Variants in USO1 observed in about 807,000 individuals in gnomAD.
USO1 encodes the protein USO1 vesicle transport factor, also known as general vesicular transport factor p115.
USO1 carries 57 observed loss-of-function variants against 124.5 expected under a neutral mutation model. The ratio of observed to expected loss-of-function variants is 0.46; its 90% CI spans 0.37 to 0.57. USO1 has a LOEUF of 0.57. Among genes scored for constraint, USO1 ranks in the 20% least tolerant of loss-of-function variants. The pLI is 0.00. For missense variants in USO1, 900 were observed against 1,040.6 expected (o/e 0.86, Z 1.86); for synonymous variants, 369 against 362.8 (o/e 1.02, Z -0.19).
chr4:75,800,978 T>C, intron 16 of USO1, 101 bp from the exon 17 acceptor site: 4 of 1,383,276 alleles, frequency 2.9e-6, no homozygotes, highest in Non-Finnish European at 3.8e-6. Context: ...AGATTATTTC[T>C]TACCTATCAT....
chr4:75,769,023 A>G (rs928413092), intron 4 of USO1, among the ~76,000 whole-genome samples: 1 of 152,096 alleles, frequency 6.6e-6, no homozygotes, highest in Non-Finnish European at 1.5e-5. Context: ...TGGCAACCCT[A>G]TCCTTCTAGT....
At chr4:75,781,445 A>G (rs1461803304) in intron 8 of USO1, among the ~76,000 whole-genome samples, 1 of 152,198 alleles carries the variant, frequency 6.6e-6, no homozygotes, top group Admixed American at 6.5e-5. Context: ...TTTTGAAAGA[A>G]TTTCTACTGG....
chr4:75,764,674 A>G (rs548363544), intron 4 of USO1, among the ~76,000 whole-genome samples: 9 of 152,280 alleles, frequency 5.9e-5, no homozygotes, highest in South Asian at 2.1e-4. Flanking sequence ...CCAAATGTCA[A>G]TAACTATAAT....
rs144217824 is a variant in USO1 at position 75,738,139 on chromosome 4, C to T, written c.66+13254C>T. 1.6e-3 allele frequency among the ~76,000 whole-genome samples: 249 copies of T among 151,538 alleles called. 2 individuals are homozygous for T. In the East Asian group the frequency reaches 0.042, roughly 26 times the overall value. ...TGAGTCATTGGGCCTGGCTAATACA[C>T]TATTATTTTTTAAAATTCTATAATA... On this transcript the variant is annotated intron_variant, in intron 1 of 23. Transcript: ENST00000514213.
chr4:75,776,335 G>T (rs757295772), intron 8 of USO1, among the ~76,000 whole-genome samples: 1 of 152,172 alleles, frequency 6.6e-6, no homozygotes, highest in Non-Finnish European at 1.5e-5. Context: ...AGCATTTCAA[G>T]ATATAATTGG....
intron 1 of USO1, among the ~76,000 whole-genome samples, chr4:75,735,580 G>C (rs901433477): frequency 6.6e-6 from 1 of 152,108 alleles, no homozygotes; most frequent in African/African-American, 2.4e-5. Flanking sequence ...GAGTGCAGTG[G>C]TGTGATCACG....
In USO1 at chr4:75,724,607, G is replaced by T. The variant is rs1720328519; in HGVS notation, c.-213G>T. 1 of 569,912 alleles carries T rather than the reference G, an allele frequency of 1.8e-6. No individual in the cohort carries two copies. Among genetic ancestry groups the T allele is most frequent in the African/African-American group, 2.0e-5 (1 of 51,134 alleles). The allele number at this position is 569,912 out of a possible 1,614,324, so 35.3% of individuals were successfully genotyped here. A position where few individuals can be genotyped will look rare whatever the true frequency, so the allele number is the denominator to read the frequency against. On this transcript the variant is annotated 5_prime_UTR_variant, in exon 1 of 24. Transcript: ENST00000514213. ...TTGCCTTCAACCTTCGAGCCGCCAC[G>T]TAATGCCACGTCCCCGCGCATGCGC...
intron 3 of USO1, among the ~76,000 whole-genome samples, chr4:75,754,518 G>C (rs1420420976): frequency 6.6e-6 from 1 of 152,174 alleles, no homozygotes; most frequent in East Asian, 1.9e-4. Flanking sequence ...ACTCTACCAA[G>C]ATCTCTCATA....
intron 19 of USO1, 83 bp from the exon 20 acceptor site, chr4:75,806,403 G>C: frequency 1.3e-6 from 2 of 1,482,094 alleles, no homozygotes; most frequent in South Asian, 2.6e-5. Flanking sequence ...ATATGATATA[G>C]TTTATATGTG....
At chr4:75,802,999 G>A (rs1368750437) in intron 17 of USO1, among the ~76,000 whole-genome samples, 5 of 146,510 alleles carry the variant, frequency 3.4e-5, no homozygotes, top group Non-Finnish European at 7.5e-5. Context: ...TAGGAGAATC[G>A]CTTGAACAAC....
chr4:75,725,617 TAAAA>T (rs5859473), intron 1 of USO1, among the ~76,000 whole-genome samples: 55 of 146,402 alleles, frequency 3.8e-4, no homozygotes, highest in African/African-American at 1.3e-3. Context: ...CGGCGTTATT[TAAAA>T]AAAAAAAAAA....
intron 17 of USO1, 135 bp from the exon 18 acceptor site, chr4:75,803,999 T>C: frequency 8.9e-7 from 1 of 1,121,990 alleles, no homozygotes; most frequent in African/African-American, 1.6e-5. Flanking sequence ...AGTTGCTTAA[T>C]TACTGAACGA....
chr4:75,803,277 C>T (rs1178037035), intron 17 of USO1, among the ~76,000 whole-genome samples: 2 of 151,912 alleles, frequency 1.3e-5, no homozygotes, highest in Non-Finnish European at 1.5e-5. Flanking sequence ...TTAAAGGCTA[C>T]ATAATTATAT....
intron 18 of USO1, 105 bp from the exon 19 acceptor site, chr4:75,805,035 G>A: frequency 1.4e-6 from 2 of 1,391,772 alleles, no homozygotes; most frequent in East Asian, 2.5e-5. Flanking sequence ...CAAAAGTGCT[G>A]CCAAAGTAAT....
chr4:75,800,224 A>AC (rs749341110), intron 14 of USO1, 127 bp from the exon 15 acceptor site: 67 of 1,172,772 alleles, frequency 5.7e-5, no homozygotes, highest in Non-Finnish European at 7.2e-5. Context: ...GGCATGAGCC[A>AC]CCACACCTAG....
intron 4 of USO1, among the ~76,000 whole-genome samples, chr4:75,764,498 A>G (rs1158630155): frequency 6.6e-6 from 1 of 152,166 alleles, no homozygotes; most frequent in East Asian, 1.9e-4. Context: ...ATGCCACACT[A>G]TCCTTTGTTT....
At chr4:75,725,194 G>C (rs1720379506) in intron 1 of USO1, among the ~76,000 whole-genome samples, 1 of 152,184 alleles carries the variant, frequency 6.6e-6, no homozygotes. Context: ...ATGCGCGGCC[G>C]AGCTGGCCCG....
At chr4:75,735,170 G>T (rs1720752930) in intron 1 of USO1, among the ~76,000 whole-genome samples, 1 of 151,716 alleles carries the variant, frequency 6.6e-6, no homozygotes, top group Non-Finnish European at 1.5e-5. Flanking sequence ...AAGGTTTTGG[G>T]GTGTGTGTGT....
intron 4 of USO1, among the ~76,000 whole-genome samples, chr4:75,769,569 G>A (rs1215894215): frequency 6.6e-6 from 1 of 152,078 alleles, no homozygotes; most frequent in African/African-American, 2.4e-5. Context: ...ACTTAGTGGA[G>A]TACTATATGG....
Sources: allele counts gnomAD v4.1 joint callset (sites outside exome capture counted in the v4.1 genomes callset), GRCh38; gene constraint gnomAD v4.1.1; transcripts MANE v1.5; gene names NCBI Gene and HGNC (gene_info 2026-07-23, HGNC 2026-07-21).